LUZP2: variants seen among roughly 807,000 people sequenced by gnomAD.
LUZP2 encodes the protein leucine zipper protein 2.
A neutral mutation model predicts 51.6 loss-of-function variants in LUZP2; 52 were observed. That is an observed-to-expected ratio of 1.01 (90% CI 0.81 to 1.27). LUZP2 has a LOEUF of 1.27. LUZP2 is among the 50% of genes most tolerant of loss of function. LUZP2 has a pLI of 0.00. For missense variants in LUZP2, 436 were observed against 395.4 expected, an observed-to-expected ratio of 1.10 and a Z score of -0.87; for synonymous variants, 154 against 137.3, an observed-to-expected ratio of 1.12 and a Z score of -0.85.
At chr11:25,016,294 C>T (rs1197393625) in intron 9 of LUZP2, among the ~76,000 whole-genome samples, 3 of 152,058 alleles carry the variant, frequency 2.0e-5, no homozygotes, top group Non-Finnish European at 2.9e-5. Flanking sequence ...ATTTATCCCT[C>T]ACCCTTCTTC....
At chr11:24,561,379 A>T (rs1476184974) in intron 1 of LUZP2, among the ~76,000 whole-genome samples, 2 of 152,126 alleles carry the variant, frequency 1.3e-5, no homozygotes, top group East Asian at 3.9e-4. Flanking sequence ...ATTTTATAAA[A>T]TTTTTATGAA....
intron 5 of LUZP2, among the ~76,000 whole-genome samples, chr11:24,795,234 T>A (rs1023235475): frequency 2.0e-5 from 3 of 152,180 alleles, no homozygotes; most frequent in Non-Finnish European, 4.4e-5. Flanking sequence ...TTATTATGTA[T>A]CAATGATTTT....
intron 1 of LUZP2, among the ~76,000 whole-genome samples, chr11:24,542,235 C>T (rs540189717): frequency 1.3e-5 from 2 of 151,956 alleles, no homozygotes; most frequent in Non-Finnish European, 2.9e-5. Flanking sequence ...ATCCTCACCC[C>T]CCCATACACA....
intron 1 of LUZP2, among the ~76,000 whole-genome samples, chr11:24,541,802 T>G (rs965908355): frequency 6.6e-6 from 1 of 152,042 alleles, no homozygotes; most frequent in Non-Finnish European, 1.5e-5. Context: ...GAACCTAAGC[T>G]TTCAGAAAGA....
At chr11:24,920,260 A>T (rs991664423) in intron 7 of LUZP2, among the ~76,000 whole-genome samples, 3 of 152,014 alleles carry the variant, frequency 2.0e-5, no homozygotes, top group Non-Finnish European at 4.4e-5. Flanking sequence ...ACCATGTGTC[A>T]TTCAGTGTTT....
chr11:25,040,343 A>ATCTTTTTTTTTTTTTTTTTTTTT (rs1858011664), intron 9 of LUZP2, among the ~76,000 whole-genome samples: 1 of 98,828 alleles, frequency 1.0e-5, no homozygotes, highest in African/African-American at 5.8e-5. Context: ...TTTCTTTCCG[A>ATCTTTTTTTTTTTTTTTTTTTTT]TTTTTTTTTT....
chr11:24,500,349 T>C (rs1342417751), intron 1 of LUZP2, among the ~76,000 whole-genome samples: 1 of 152,136 alleles, frequency 6.6e-6, no homozygotes, highest in Non-Finnish European at 1.5e-5. Context: ...ATGAATAATG[T>C]AACTAATACA....
chr11:24,507,054 C>A (rs1230296561), intron 1 of LUZP2, among the ~76,000 whole-genome samples: 6 of 151,982 alleles, frequency 3.9e-5, no homozygotes, highest in Non-Finnish European at 8.8e-5. Context: ...TGAAAATCAG[C>A]CAAATAAAGC....
intron 5 of LUZP2, among the ~76,000 whole-genome samples, chr11:24,855,259 T>C (rs1851523847): frequency 6.6e-6 from 1 of 152,162 alleles, no homozygotes; most frequent in African/African-American, 2.4e-5. Flanking sequence ...CTAGATGTGA[T>C]CAATGAATTC....
intron 5 of LUZP2, among the ~76,000 whole-genome samples, chr11:24,889,815 G>A (rs1279674127): frequency 6.6e-6 from 1 of 152,150 alleles, no homozygotes; most frequent in African/African-American, 2.4e-5. Context: ...ATTACCAACT[G>A]CCAGAATAAA....
chr11:25,016,935 AT>A (rs34563114), intron 9 of LUZP2, among the ~76,000 whole-genome samples: 56,937 of 150,172 alleles, frequency 0.38, 13,153 homozygotes, highest in East Asian at 0.77. Flanking sequence ...TGCCGACATC[AT>A]TTTTTTTTTA....
rs376378171 is a variant in LUZP2 at position 24,978,401 on chromosome 11, C to T, written c.597+1736C>T. Among the ~76,000 whole-genome samples the T allele has an allele frequency of 1.7e-3, 262 of 151,848 alleles. 3 individuals carry two copies. Among genetic ancestry groups the T allele is most frequent in the African/African-American group, 6.2e-3 (256 of 41,494 alleles). On this transcript the variant is annotated intron_variant, in intron 8 of 11. Transcript: ENST00000336930. ...TAGTCCTTTCTCTGACATTCCTGTA[C>T]AGTCGCTGCAATATTGTTTAAATCC...
intron 10 of LUZP2, among the ~76,000 whole-genome samples, chr11:25,062,876 T>A (rs1858886710): frequency 6.6e-6 from 1 of 151,624 alleles, no homozygotes; most frequent in South Asian, 2.1e-4. Context: ...TATTTTATCA[T>A]TATTTAGTTA....
intron 1 of LUZP2, among the ~76,000 whole-genome samples, chr11:24,598,117 G>A (rs1479565667): frequency 6.8e-6 from 1 of 147,734 alleles, no homozygotes; most frequent in African/African-American, 2.5e-5. Flanking sequence ...AAAAAAAAAA[G>A]AGAGAGACAT....
chr11:24,508,694 T>G (rs1850212682), intron 1 of LUZP2, among the ~76,000 whole-genome samples: 1 of 152,132 alleles, frequency 6.6e-6, no homozygotes, highest in African/African-American at 2.4e-5. Context: ...ATAATTTAAT[T>G]TTTAAAAATA....
intron 7 of LUZP2, among the ~76,000 whole-genome samples, chr11:24,966,539 A>G (rs1175239998): frequency 1.3e-5 from 2 of 150,134 alleles, no homozygotes; most frequent in Non-Finnish European, 3.0e-5. Context: ...TCAATAATTC[A>G]TTTCTAATTT....
intron 5 of LUZP2, among the ~76,000 whole-genome samples, chr11:24,800,605 GC>G: frequency 6.6e-6 from 1 of 151,406 alleles, no homozygotes; most frequent in Non-Finnish European, 1.5e-5. Context: ...AAGTGGATTT[GC>G]TTTCCAGGTC....
intron 1 of LUZP2, among the ~76,000 whole-genome samples, chr11:24,591,688 C>T (rs1853267198): frequency 6.6e-6 from 1 of 152,094 alleles, no homozygotes; most frequent in African/African-American, 2.4e-5. Flanking sequence ...GTCATGTAAC[C>T]TAGCAGAATT....
intron 4 of LUZP2, among the ~76,000 whole-genome samples, chr11:24,762,234 C>T (rs1860008630): frequency 1.3e-5 from 2 of 152,106 alleles, no homozygotes; most frequent in East Asian, 1.9e-4. Context: ...TCACCTGGAT[C>T]GTGAGTCTCT....
Sources: gnomAD v4.1 joint callset for allele counts (sites outside exome capture counted in the v4.1 genomes callset) on GRCh38, gnomAD v4.1.1 for gene constraint, MANE v1.5 for transcripts, NCBI Gene and HGNC (gene_info 2026-07-23, HGNC 2026-07-21) for gene names.